MRPL34: variants seen among roughly 807,000 people sequenced by gnomAD.
The protein encoded by MRPL34 is large ribosomal subunit protein bL34m.
MRPL34 carries 8 observed loss-of-function variants against 6.7 expected under a neutral mutation model. That is an observed-to-expected ratio of 1.20 (90% CI 0.70 to 2.16). The LOEUF is 2.16. Among genes scored for constraint, MRPL34 ranks in the 30% most tolerant of loss-of-function variants. The pLI is 0.00. For synonymous variants in MRPL34, 59 were observed against 55.1 expected, an observed-to-expected ratio of 1.07 and a Z score of -0.31; for missense variants, 146 against 125.5, an observed-to-expected ratio of 1.16 and a Z score of -0.78.
chr19:17,299,959 GCACAA>G (rs2074110254), upstream of MRPL34, among the ~76,000 whole-genome samples: 1 of 149,816 alleles, frequency 6.7e-6, no homozygotes. Context: ...GAGTGCAGTG[GCACAA>G]TATGATCTTG....
upstream of MRPL34, chr19:17,305,656 A>G: frequency 3.5e-6 from 2 of 574,428 alleles, no homozygotes; most frequent in South Asian, 3.9e-5. Context: ...CTTGCTCAGA[A>G]GGCGCCGTTC....
At chr19:17,301,177 C>T (rs2074115914), upstream of MRPL34, 1 of 1,607,126 alleles carries the variant, frequency 6.2e-7, no homozygotes, top group Non-Finnish European at 8.5e-7. Flanking sequence ...TCGCCGCCGC[C>T]GCCCACCACT....
chr19:17,292,771 A>T, exon 1 of MRPL34: 1 of 1,613,656 alleles, frequency 6.2e-7, no homozygotes, highest in South Asian at 1.1e-5. Context: ...GTCTCAGGGC[A>T]TTCCAGCATC....
chr19:17,293,260 T>C (rs1016478796), intron 1 of MRPL34, among the ~76,000 whole-genome samples: 3 of 151,808 alleles, frequency 2.0e-5, no homozygotes, highest in Admixed American at 6.6e-5. Context: ...TACACCCGGC[T>C]AATTTTTTGT....
chr19:17,301,947 C>T (rs1302639530), upstream of MRPL34, among the ~76,000 whole-genome samples: 1 of 152,140 alleles, frequency 6.6e-6, no homozygotes, highest in African/African-American at 2.4e-5. Context: ...GCAGGTGCCA[C>T]CATGTCTAGC....
At chr19:17,297,733 T>G (rs911766478) in intron 1 of MRPL34, 1 of 143,886 alleles carries the variant, frequency 6.9e-6, no homozygotes, top group Admixed American at 7.3e-5. Context: ...GTAACTTCTT[T>G]GTTTTCTTTT....
At chr19:17,301,176 C>T, upstream of MRPL34, 1 of 1,607,096 alleles carries the variant, frequency 6.2e-7, no homozygotes, top group Non-Finnish European at 8.5e-7. Flanking sequence ...CTCGCCGCCG[C>T]CGCCCACCAC....
upstream of MRPL34, chr19:17,301,367 C>G (rs1336758703): frequency 6.2e-7 from 1 of 1,610,798 alleles, no homozygotes; most frequent in South Asian, 1.1e-5. Context: ...TTGCGGTACA[C>G]GGTGATCCGG....
chr19:17,294,615 C>G (rs956370634), intron 1 of MRPL34: 28 of 1,607,068 alleles, frequency 1.7e-5, no homozygotes, highest in Middle Eastern at 1.7e-4. Context: ...CCATCCAACT[C>G]GAGCAGATGC....
In MRPL34 at chr19:17,306,605, ACAT is replaced by A; in HGVS notation, c.*228_*230del. 2.2e-6 allele frequency: 1 copy of A among 462,092 alleles called. No individual in the cohort carries two copies. The highest frequency in any genetic ancestry group is 3.8e-6 in the Non-Finnish European group (1 of 261,046). 28.6% of individuals were successfully genotyped at this position (462,092 alleles called of 1,614,324 possible). ...AACAGACCAAAGAACAGTACAAAGA[ACAT>A]CCGTGTACCCAGTACCCTGACTACC... is the stretch of plus-strand genomic sequence containing the variant. On this transcript the variant is annotated 3_prime_UTR_variant, in exon 2 of 2. Coordinates refer to ENST00000252602, the MANE Select transcript of MRPL34 (RefSeq NM_023937.4).
upstream of MRPL34, chr19:17,301,539 G>T: frequency 6.2e-7 from 1 of 1,609,616 alleles, no homozygotes; most frequent in East Asian, 2.2e-5. Flanking sequence ...TGGACTCGAC[G>T]CTCTCCAGTG....
At chr19:17,301,449 G>T, upstream of MRPL34, 1 of 1,611,988 alleles carries the variant, frequency 6.2e-7, no homozygotes, top group East Asian at 2.2e-5. Flanking sequence ...GTGGAGGTGG[G>T]GCAGCGGCTG....
At chr19:17,301,758 G>A, upstream of MRPL34, 1 of 1,064,698 alleles carries the variant, frequency 9.4e-7, no homozygotes, top group Non-Finnish European at 1.3e-6. Flanking sequence ...GTGAGCCACG[G>A]CACTGAGATT....
chr19:17,305,921 GC>G lies in MRPL34; in HGVS notation c.33del (p.Thr12ArgfsTer59). 6.2e-7 allele frequency: 1 copy of G among 1,614,130 alleles called. No homozygotes were observed. The highest frequency in any genetic ancestry group is 8.5e-7 in the Non-Finnish European group (1 of 1,180,018). On this transcript the variant is annotated frameshift_variant, in exon 1 of 2. Transcript: ENST00000252602. LOFTEE classifies it low-confidence loss of function (END_TRUNC). ...GCTGTCTTGGCTGGATCCCTGTTGGGCCCCACGAGTAGGTCGGCAGCGTTGC... is the reference window on the plus strand; with the variant it reads ...GCTGTCTTGGCTGGATCCCTGTTGGGCCCACGAGTAGGTCGGCAGCGTTGC... MAVLAGSLL[G>X]PTSRSAALLG...
chr19:17,292,834 G>A (rs1163437426), exon 1 of MRPL34: 17 of 1,610,640 alleles, frequency 1.1e-5, no homozygotes, highest in Non-Finnish European at 1.4e-5. Flanking sequence ...AGCAGGATCT[G>A]CAGAAGACGC....
upstream of MRPL34, chr19:17,301,366 A>G (rs912465414): frequency 9.9e-6 from 16 of 1,610,900 alleles, no homozygotes; most frequent in Non-Finnish European, 1.4e-5. Flanking sequence ...ATTGCGGTAC[A>G]CGGTGATCCG....
chr19:17,301,538 C>T (rs142856821), upstream of MRPL34: 64 of 1,609,698 alleles, frequency 4.0e-5, no homozygotes, highest in Non-Finnish European at 4.8e-5. Flanking sequence ...CTGGACTCGA[C>T]GCTCTCCAGT....
chr19:17,292,602 G>C (rs1319513815), upstream of MRPL34: 1 of 1,519,576 alleles, frequency 6.6e-7, no homozygotes, highest in East Asian at 2.4e-5. Flanking sequence ...CCTGGCGCAG[G>C]CTCGGGCCTC....
At chr19:17,296,920 C>A (rs1424336277) in intron 1 of MRPL34, among the ~76,000 whole-genome samples, 4 of 152,034 alleles carry the variant, frequency 2.6e-5, no homozygotes, top group Non-Finnish European at 5.9e-5. Flanking sequence ...GTCTTGAACT[C>A]CCGACCTCAG....
Sources: allele counts gnomAD v4.1 joint callset (sites outside exome capture counted in the v4.1 genomes callset), GRCh38; gene constraint gnomAD v4.1.1; transcripts MANE v1.5; gene names NCBI Gene and HGNC (gene_info 2026-07-23, HGNC 2026-07-21).